The following NRG1 variants were observed in gnomAD, a reference collection of about 807,000 sequenced individuals.
The protein encoded by NRG1 is neuregulin 1, also known as pro-neuregulin-1, membrane-bound isoform.
A neutral mutation model predicts 63.8 loss-of-function variants in NRG1; 18 were observed. That is an observed-to-expected ratio of 0.28 (90% CI 0.19 to 0.42). The LOEUF is 0.42. Ranked by LOEUF, NRG1 falls within the 10% of genes least tolerant of loss-of-function variation. The probability of loss-of-function intolerance (pLI) is 1.00; values close to 1 mark genes in which losing one functional copy is unlikely to be tolerated. For missense variants in NRG1, 762 were observed against 814.7 expected (o/e 0.94, Z 0.79); for synonymous variants, 302 against 301.3 (o/e 1.00, Z -0.02).
At chr8:32,087,486 T>C (rs934570323) in intron 1 of NRG1, among the ~76,000 whole-genome samples, 4 of 131,030 alleles carry the variant, frequency 3.1e-5, no homozygotes, top group African/African-American at 1.1e-4. Flanking sequence ...TTCTTTCTTT[T>C]TTTTTTTTTT....
chr8:31,916,766 T>C (rs1833426084), intron 1 of NRG1, among the ~76,000 whole-genome samples: 1 of 152,032 alleles, frequency 6.6e-6, no homozygotes, highest in Non-Finnish European at 1.5e-5. Flanking sequence ...TCTAGATCCC[T>C]GAGGAATCGC....
intron 5 of NRG1, chr8:32,648,038 C>G (rs1263441828): frequency 6.2e-7 from 1 of 1,614,044 alleles, no homozygotes; most frequent in Non-Finnish European, 8.5e-7. Flanking sequence ...TTGAATATGA[C>G]TCTCCTACTC....
At chr8:31,922,306 G>T (rs143586905) in intron 1 of NRG1, among the ~76,000 whole-genome samples, 1 of 152,024 alleles carries the variant, frequency 6.6e-6, no homozygotes, top group Admixed American at 6.6e-5. Flanking sequence ...GGCTTCTCCC[G>T]TTTGCCATGG....
chr8:31,639,976 C>T, intron 1 of NRG1: 1 of 1,129,410 alleles, frequency 8.9e-7, no homozygotes, highest in Non-Finnish European at 1.1e-6. Flanking sequence ...CCCGCACGCA[C>T]CTCGCACCAT....
intron 1 of NRG1, among the ~76,000 whole-genome samples, chr8:32,144,674 T>C (rs1049672410): frequency 6.6e-6 from 1 of 152,160 alleles, no homozygotes; most frequent in Non-Finnish European, 1.5e-5. Flanking sequence ...TTTATTTTGG[T>C]CTCGGTTTTC....
intron 1 of NRG1, among the ~76,000 whole-genome samples, chr8:32,226,452 A>G (rs1190256283): frequency 6.6e-6 from 1 of 152,108 alleles, no homozygotes; most frequent in African/African-American, 2.4e-5. Flanking sequence ...ATTTCAATAC[A>G]TGTTTCAAGA....
At chr8:31,905,164 C>T (rs1247472139) in intron 1 of NRG1, among the ~76,000 whole-genome samples, 1 of 152,058 alleles carries the variant, frequency 6.6e-6, no homozygotes, top group Non-Finnish European at 1.5e-5. Flanking sequence ...AGAGACAATC[C>T]AGTTTCCACA....
chr8:32,252,951 G>T lies in NRG1; in HGVS notation c.38-342877G>T, dbSNP rs1849283940. Among the ~76,000 whole-genome samples the T allele has an allele frequency of 2.0e-5, 3 of 152,160 alleles. No homozygotes were observed. The South Asian group carries it at 6.2e-4, about 32-fold the overall frequency. On this transcript the variant is annotated intron_variant, in intron 1 of 10. Transcript: ENST00000519301. ...TATTCCTAGGGATTTTATTCTCTTT[G>T]TAGCCATTGTGAATGGGAGTTCACT...
intron 5 of NRG1, among the ~76,000 whole-genome samples, chr8:32,711,509 G>A (rs141988324): frequency 2.0e-4 from 31 of 152,162 alleles, no homozygotes; most frequent in African/African-American, 5.5e-4. Flanking sequence ...CCTACTGGTC[G>A]TGGTAAAAAT....
chr8:32,771,715 A>AAATAT (rs1343943621), downstream of NRG1, among the ~76,000 whole-genome samples: 154 of 111,838 alleles, frequency 1.4e-3, 2 homozygotes, highest in African/African-American at 5.0e-3. Context: ...TTAAAAAAAA[A>AAATAT]ATATATATAT....
chr8:32,543,322 T>G (rs1832755730), upstream of NRG1, among the ~76,000 whole-genome samples: 1 of 152,164 alleles, frequency 6.6e-6, no homozygotes, highest in Non-Finnish European at 1.5e-5. Context: ...TGTACACATA[T>G]GCATATATAA....
At chr8:32,026,965 A>T (rs1336728447) in intron 1 of NRG1, among the ~76,000 whole-genome samples, 1 of 152,106 alleles carries the variant, frequency 6.6e-6, no homozygotes, top group East Asian at 1.9e-4. Context: ...TCAGTAACTT[A>T]ATTTTCAATT....
intron 1 of NRG1, among the ~76,000 whole-genome samples, chr8:32,553,113 C>G (rs1393561471): frequency 6.6e-6 from 1 of 152,098 alleles, no homozygotes; most frequent in Non-Finnish European, 1.5e-5. Context: ...TTAGGCTGTT[C>G]CTTAAATATG....
At chr8:32,255,071 T>C (rs1367357430) in intron 1 of NRG1, among the ~76,000 whole-genome samples, 3 of 152,230 alleles carry the variant, frequency 2.0e-5, no homozygotes, top group Admixed American at 6.5e-5. Context: ...CCCTTTATTT[T>C]GAGCCTGTGT....
At chr8:32,504,441 G>A (rs1228795424) in intron 1 of NRG1, among the ~76,000 whole-genome samples, 1 of 152,070 alleles carries the variant, frequency 6.6e-6, no homozygotes, top group Non-Finnish European at 1.5e-5. Context: ...TTATATTTCT[G>A]AGTGTTTTAG....
At chr8:31,841,097 T>TGGGCTATTTAAAGTGTGCAATCCACAGA (rs1826159747) in intron 1 of NRG1, among the ~76,000 whole-genome samples, 1 of 152,166 alleles carries the variant, frequency 6.6e-6, no homozygotes, top group African/African-American at 2.4e-5. Flanking sequence ...AGTTTTAAAG[T>TGGGCTATTTAAAGTGTGCAATCCACAGA]TACTATACTT....
chr8:32,315,205 C>T (rs752468535), intron 1 of NRG1, among the ~76,000 whole-genome samples: 30 of 152,166 alleles, frequency 2.0e-4, no homozygotes, highest in Non-Finnish European at 4.0e-4. Context: ...AAGCCCCACA[C>T]GCATTAGCTG....
intron 1 of NRG1, among the ~76,000 whole-genome samples, chr8:32,391,542 G>A (rs1811771000): frequency 6.6e-6 from 1 of 152,028 alleles, no homozygotes; most frequent in African/African-American, 2.4e-5. Context: ...AGACACCAGG[G>A]TCTGCTGTTC....
chr8:32,298,191 T>C (rs1381359628), intron 1 of NRG1, among the ~76,000 whole-genome samples: 1 of 152,230 alleles, frequency 6.6e-6, no homozygotes, highest in Admixed American at 6.5e-5. Context: ...CTGATTTACA[T>C]AGAGCTATTC....
Sources: allele counts gnomAD v4.1 joint callset (sites outside exome capture counted in the v4.1 genomes callset), GRCh38; gene constraint gnomAD v4.1.1; transcripts MANE v1.5; gene names NCBI Gene and HGNC (gene_info 2026-07-23, HGNC 2026-07-21).